CNGA4: variants seen among roughly 807,000 people sequenced by gnomAD.
CNGA4 encodes the protein cyclic nucleotide gated channel subunit alpha 4, also known as cyclic nucleotide-gated channel alpha-4.
In CNGA4, 32 loss-of-function variants were observed where a neutral mutation model predicts 45.6. The observed-to-expected ratio is 0.70, with a 90% CI of 0.53 to 0.94. The LOEUF (loss-of-function observed/expected upper bound fraction) is 0.94. Among genes scored for constraint, CNGA4 ranks in the 40% least tolerant of loss-of-function variants. The pLI, the probability that CNGA4 is intolerant of heterozygous loss-of-function variation, is 0.00. For missense variants in CNGA4, 726 were observed against 755.1 expected (o/e 0.96, Z 0.45); for synonymous variants, 293 against 304.6 (o/e 0.96, Z 0.40).
Position 6,241,438 on chromosome 11 carries a change from C to T in CNGA4, c.925C>T (p.His309Tyr), listed in dbSNP as rs1331714486. ...CACTGTCCTTACTCTCAGGTATCAG[C>T]ACCTGCAGATCAACAAGAAGATGAC... Reference protein sequence around the residue: ...LERRVIDWYQHLQINKKMTNE... With the variant: ...LERRVIDWYQYLQINKKMTNE... Residue 309 changes from histidine (H) to tyrosine (Y), a missense_variant, in exon 5 of 6, where the codon CAC (histidine) becomes TAC (tyrosine). Coordinates refer to ENST00000379936, the MANE Select transcript of CNGA4 (RefSeq NM_001037329.4). 1 of 1,578,048 alleles carries T rather than the reference C, an allele frequency of 6.3e-7. No homozygotes were observed. The highest frequency in any genetic ancestry group is 1.7e-5 in the Admixed American group (1 of 58,016).
At chr11:6,235,994 G>A (rs1649010649), upstream of CNGA4, among the ~76,000 whole-genome samples, 2 of 152,078 alleles carry the variant, frequency 1.3e-5, no homozygotes, top group South Asian at 4.1e-4. Context: ...TTAAATACCT[G>A]GTTTTTATCA....
chr11:6,237,806 A>C (rs1220468440), upstream of CNGA4, among the ~76,000 whole-genome samples: 2 of 152,198 alleles, frequency 1.3e-5, no homozygotes, highest in African/African-American at 4.8e-5. Flanking sequence ...CACTCCAAAA[A>C]CACAAACCTG....
chr11:6,242,309 GA>G (rs1220307392), intron 5 of CNGA4, among the ~76,000 whole-genome samples: 1 of 152,018 alleles, frequency 6.6e-6, no homozygotes, highest in Non-Finnish European at 1.5e-5. Context: ...CAGCCAAGTG[GA>G]AAGAGAAAGG....
Position 6,240,385 on chromosome 11 carries a change from G to A in CNGA4, c.591G>A (p.Gly197=). 1.5e-5 allele frequency: 24 copies of A among 1,614,090 alleles called. No individual in the cohort carries two copies. The highest frequency in any genetic ancestry group is 2.2e-5 in the East Asian group (1 of 44,894). Residue 197 remains glycine (G), a synonymous_variant, in exon 4 of 6, where the codon GGG becomes GGA. Transcript: ENST00000379936. The surrounding 1 kb of genome is among the most constrained non-coding windows in gnomAD (Gnocchi z 4.9). ...YFALSRYLGF[G]RDAWVYPDPA... is the part of the protein sequence containing the mutation. Reference sequence around the variant, plus strand: ...CCCTATCCCGGTACCTGGGCTTCGGGCGTGACGCATGGGTGTACCCGGACC... The same window carrying A: ...CCCTATCCCGGTACCTGGGCTTCGGACGTGACGCATGGGTGTACCCGGACC...
In CNGA4 at chr11:6,240,336, A is replaced by C. The variant is rs1847897011; in HGVS notation, c.542A>C (p.His181Pro). ...KLMLYIFVVI[H>P]WNSCLYFALS... ...ATGCTTTACATTTTTGTCGTCATCC[A>C]TTGGAACAGCTGCCTATACTTTGCC... The change falls in exon 4 of 6, where the codon CAT (histidine) becomes CCT (proline). Residue 181 changes from histidine (H) to proline (P), a missense_variant. Physicochemically the swap from His to Pro is moderately conservative, Grantham distance 77. Coordinates refer to ENST00000379936, the MANE Select transcript of CNGA4 (RefSeq NM_001037329.4). The surrounding 1 kb of genome is among the most constrained non-coding windows in gnomAD (Gnocchi z 4.9). The C allele has an allele frequency of 6.2e-7, 1 of 1,614,154 alleles. No homozygotes were observed.
At chr11:6,242,042 C>A in intron 5 of CNGA4, 1 of 536,394 alleles carries the variant, frequency 1.9e-6, no homozygotes, top group Non-Finnish European at 3.3e-6. Context: ...TCACCTGAAG[C>A]ACCAATAGAC....
chr11:6,235,556 A>G, upstream of CNGA4: 1 of 984,840 alleles, frequency 1.0e-6, no homozygotes, highest in Non-Finnish European at 1.2e-6. Flanking sequence ...CCGGGAGGTG[A>G]CGGTGTCTAA....
Position 6,239,430 on chromosome 11 carries a change from T to G in CNGA4, c.109T>G (p.Trp37Gly), listed in dbSNP as rs547565362. 2.5e-6 allele frequency: 4 copies of G among 1,614,092 alleles called. No individual in the cohort carries two copies. In the African/African-American group the frequency reaches 5.3e-5, roughly 22 times the overall value. The change falls in exon 2 of 6, where the codon TGG (tryptophan) becomes GGG (glycine). Residue 37 changes from tryptophan to glycine, a missense_variant. Trp to Gly is a radical substitution (Grantham distance 184). Coordinates refer to ENST00000379936, the MANE Select transcript of CNGA4 (RefSeq NM_001037329.4). ...LDPSGDYYYW[W>G]LNTMVFPVMY... ...CCCATCTGGGGATTACTACTACTGG[T>G]GGCTGAACACAATGGTCTTCCCAGT...
At chr11:6,235,571 A>T (rs576405288), upstream of CNGA4, 1 of 979,074 alleles carries the variant, frequency 1.0e-6, no homozygotes, top group African/African-American at 1.7e-5. Context: ...GTCTAAGCCG[A>T]GTCTTGGGAA....
chr11:6,240,764 C>G lies in CNGA4; in HGVS notation c.917+53C>G. The G allele has an allele frequency of 6.4e-7, 1 of 1,568,850 alleles. No individual in the cohort carries two copies. Among genetic ancestry groups the G allele is most frequent in the Non-Finnish European group, 8.7e-7 (1 of 1,153,406 alleles). On this transcript the variant is annotated intron_variant, in intron 4 of 5. Transcript: ENST00000379936. The surrounding 1 kb of genome is among the most constrained non-coding windows in gnomAD (Gnocchi z 4.9). The stretch of plus-strand genomic sequence containing the variant: ...CAGGGACCAGTGTAGGTGATGGAAC[C>G]TGAGGGAGGTAACTGGGTCCTTAGT...
upstream of CNGA4, chr11:6,235,357 A>G (rs1415470930): frequency 4.3e-6 from 2 of 465,198 alleles, no homozygotes; most frequent in African/African-American, 2.1e-5. Flanking sequence ...GGAACACGGA[A>G]TAAGTGCCTG....
rs1353626971 is a variant in CNGA4 at position 6,240,343 on chromosome 11, C to T, written c.549C>T (p.Asn183=). 2 of 1,614,118 alleles carry T rather than the reference C, an allele frequency of 1.2e-6. No homozygotes were observed. The highest frequency in any genetic ancestry group is 1.7e-6 in the Non-Finnish European group (2 of 1,180,046). Residue 183 remains asparagine, a synonymous_variant, in exon 4 of 6, where the codon AAC becomes AAT. Coordinates refer to ENST00000379936, the MANE Select transcript of CNGA4 (RefSeq NM_001037329.4). This position sits in a 1 kb window ranked among gnomAD's most constrained non-coding sequence, Gnocchi z 4.9. ...ACATTTTTGTCGTCATCCATTGGAACAGCTGCCTATACTTTGCCCTATCCC... is the reference window on the plus strand; with the variant it reads ...ACATTTTTGTCGTCATCCATTGGAATAGCTGCCTATACTTTGCCCTATCCC... ...MLYIFVVIHW[N]SCLYFALSRY... is the part of the protein sequence containing the mutation.
At chr11:6,235,468 C>T (rs185249248), upstream of CNGA4, 15 of 985,266 alleles carry the variant, frequency 1.5e-5, no homozygotes, top group African/African-American at 2.4e-4. Flanking sequence ...ACGGGGGCCA[C>T]CTAGGAGCAG....
At chr11:6,241,171 G>A (rs1847912861) in intron 4 of CNGA4, among the ~76,000 whole-genome samples, 1 of 152,210 alleles carries the variant, frequency 6.6e-6, no homozygotes, top group South Asian at 2.1e-4. Flanking sequence ...GGTGGCTGAG[G>A]TAGCTAAGGG....
chr11:6,235,276 C>T (rs1171599510), upstream of CNGA4, among the ~76,000 whole-genome samples: 1 of 152,172 alleles, frequency 6.6e-6, no homozygotes, highest in African/African-American at 2.4e-5. Flanking sequence ...AGTACCCCAG[C>T]GGTGACTGCC....
chr11:6,235,067 C>A (rs1460300365), upstream of CNGA4, among the ~76,000 whole-genome samples: 1 of 151,746 alleles, frequency 6.6e-6, no homozygotes, highest in Non-Finnish European at 1.5e-5. Context: ...GAAAGACGAG[C>A]GAGAAAGGGG....
rs570777750 is a variant in CNGA4 at position 6,240,895 on chromosome 11, G to A, written c.917+184G>A. The stretch of plus-strand genomic sequence containing the variant: ...CTTTCAACTGAGGGAATCAGGACTT[G>A]GGGGAGGGGTAGGTAAGAGACTGAT... On this transcript the variant is annotated intron_variant, in intron 4 of 5. Transcript: ENST00000379936. This position sits in a 1 kb window ranked among gnomAD's most constrained non-coding sequence, Gnocchi z 4.9. Among the ~76,000 whole-genome samples the A allele has an allele frequency of 3.5e-4, 54 of 152,240 alleles. No individual in the cohort carries two copies. Among genetic ancestry groups the A allele is most frequent in the African/African-American group, 1.2e-3 (51 of 41,534 alleles).
At chr11:6,236,495 G>A (rs964557985), upstream of CNGA4, among the ~76,000 whole-genome samples, 3 of 152,108 alleles carry the variant, frequency 2.0e-5, no homozygotes, top group Non-Finnish European at 4.4e-5. Flanking sequence ...TGATTGGGTG[G>A]ATATAAGAGG....
Position 6,239,115 on chromosome 11 carries a change from C to T in CNGA4, c.-92C>T, listed in dbSNP as rs1028455919. 1.0e-5 allele frequency: 16 copies of T among 1,603,832 alleles called. No individual in the cohort carries two copies. Among genetic ancestry groups the T allele is most frequent in the Non-Finnish European group, 1.3e-5 (15 of 1,175,570 alleles). Reference sequence around the variant, plus strand: ...GCAGAAGCCCAACAGCAGCCTCCTTCAGGCAGTCAGGCACTAGTGCCCAAC... The same window carrying T: ...GCAGAAGCCCAACAGCAGCCTCCTTTAGGCAGTCAGGCACTAGTGCCCAAC... On this transcript the variant is annotated 5_prime_UTR_variant, in exon 1 of 6. Coordinates refer to ENST00000379936, the MANE Select transcript of CNGA4 (RefSeq NM_001037329.4).
Sources: gnomAD v4.1 joint callset for allele counts (sites outside exome capture counted in the v4.1 genomes callset) on GRCh38, gnomAD v4.1.1 for gene constraint, Gnocchi (gnomAD v3.1) non-coding constraint, MANE v1.5 for transcripts, NCBI Gene and HGNC (gene_info 2026-07-23, HGNC 2026-07-21) for gene names.